Variants in DHX34 observed in about 807,000 individuals in gnomAD.
DHX34 encodes DExH-box helicase 34.
A neutral mutation model predicts 111.1 loss-of-function variants in DHX34; 96 were observed. The ratio of observed to expected loss-of-function variants is 0.86; its 90% CI spans 0.73 to 1.02. The LOEUF (loss-of-function observed/expected upper bound fraction) is 1.02, where lower values mean the gene tolerates loss of function less well. Among genes scored for constraint, DHX34 ranks in the 50% least tolerant of loss-of-function variants. The pLI is 0.00. For synonymous variants in DHX34, 688 were observed against 670.4 expected (o/e 1.03, Z -0.41); for missense variants, 1,560 against 1,579.9 (o/e 0.99, Z 0.21).
rs1390387972 is a variant in DHX34 at position 47,354,951 on chromosome 19, G to A, written c.706-88G>A. ...TTACAGGCGTGAGCCACCGCACCCG[G>A]CCTGCTTAGATTTTCAATTTGGGCA... On this transcript the variant is annotated intron_variant, in intron 2 of 16. Coordinates refer to ENST00000328771, the MANE Select transcript of DHX34 (RefSeq NM_014681.6). 3.9e-6 allele frequency: 6 copies of A among 1,554,910 alleles called. No individual in the cohort carries two copies. The Admixed American group carries it at 5.4e-5, about 14-fold the overall frequency.
rs1258806164 is a variant in DHX34 at position 47,381,335 on chromosome 19, G to A, written c.3298+11G>A. Reference sequence around the variant, plus strand: ...AGGATGGGCCCCCAGGTAAGCACAGGACTGTGGGGACCCGGCCACCTCTGC... The same window carrying A: ...AGGATGGGCCCCCAGGTAAGCACAGAACTGTGGGGACCCGGCCACCTCTGC... On this transcript the variant is annotated intron_variant, in intron 16 of 16. Transcript: ENST00000328771. 2 of 1,608,908 alleles carry A rather than the reference G, an allele frequency of 1.2e-6. No homozygotes were observed. The highest frequency in any genetic ancestry group is 2.7e-5 in the African/African-American group (2 of 74,796).
intron 4 of DHX34, 52 bp downstream of exon 4, chr19:47,358,172 G>A (rs769987611): frequency 1.9e-6 from 3 of 1,573,978 alleles, no homozygotes; most frequent in Admixed American, 1.7e-5. Flanking sequence ...TGAGTCAGGG[G>A]TGGCTGCGCA....
chr19:47,351,790 A>G (rs1411597489), intron 1 of DHX34, among the ~76,000 whole-genome samples: 3 of 152,118 alleles, frequency 2.0e-5, no homozygotes, highest in Admixed American at 6.5e-5. Flanking sequence ...GGAGTAGACT[A>G]CTAAGACTGG....
rs749066168 is a variant in DHX34 at position 47,353,747 on chromosome 19, G to A, written c.705+12G>A. ...AGTATGGCTCACAGGTGAGTGGGAC[G>A]CACCAGGTTTCCGATTTTTCCAGCG... On this transcript the variant is annotated intron_variant, in intron 2 of 16. Coordinates refer to ENST00000328771, the MANE Select transcript of DHX34 (RefSeq NM_014681.6). This position sits in a 1 kb window ranked among gnomAD's most constrained non-coding sequence, Gnocchi z 4.6. The A allele has an allele frequency of 5.2e-6, 8 of 1,541,276 alleles. No homozygotes were observed. The highest frequency in any genetic ancestry group is 3.9e-4 in the Middle Eastern group (2 of 5,078).
chr19:47,350,339 G>A (rs1225057019), intron 1 of DHX34, among the ~76,000 whole-genome samples: 1 of 152,124 alleles, frequency 6.6e-6, no homozygotes, highest in Non-Finnish European at 1.5e-5. Context: ...GGGAGGTCGA[G>A]GCTGCTGTAC....
chr19:47,378,589 G>A (rs1170480732), intron 13 of DHX34, among the ~76,000 whole-genome samples: 1 of 152,220 alleles, frequency 6.6e-6, no homozygotes, highest in African/African-American at 2.4e-5. Context: ...CAGCACCTTG[G>A]GAGGCTGAGG....
At chr19:47,368,708 A>G (rs1462408115) in intron 7 of DHX34, among the ~76,000 whole-genome samples, 4 of 146,730 alleles carry the variant, frequency 2.7e-5, no homozygotes, top group Non-Finnish European at 6.0e-5. Context: ...ACACACACAT[A>G]TATATATGTT....
chr19:47,375,920 C>G lies in DHX34; in HGVS notation c.2308-4C>G, dbSNP rs773212779. 1.1e-5 allele frequency: 18 copies of G among 1,600,936 alleles called. No individual in the cohort carries two copies. Among genetic ancestry groups the G allele is most frequent in the Non-Finnish European group, 1.4e-5 (16 of 1,176,904 alleles). ...AAGACTCTGCCTCCCCGTGCTCCCC[C>G]CAGGATGTGAAGTTCAAGCTTCGGC... On this transcript the variant is annotated splice_region_variant and splice_polypyrimidine_tract_variant and intron_variant, in intron 10 of 16. Coordinates refer to ENST00000328771, the MANE Select transcript of DHX34 (RefSeq NM_014681.6).
rs781336241 is a variant in DHX34, at chr19:47,360,019, A to G, written c.1324A>G (p.Ile442Val). The part of the protein sequence containing the change: ...GVRKCILSTN[I>V]AETSVTIDGI... Reference sequence around the variant, plus strand: ...CCGGAAATGCATCCTCTCCACCAACATTGCTGAGACCTCAGTCACCATTGA... The same window carrying G: ...CCGGAAATGCATCCTCTCCACCAACGTTGCTGAGACCTCAGTCACCATTGA... Residue 442 changes from isoleucine to valine, a missense_variant, in exon 5 of 17, where the codon ATT becomes GTT. Physicochemically the swap from Ile to Val is conservative, Grantham distance 29. Transcript: ENST00000328771. 1.2e-6 allele frequency: 2 copies of G among 1,613,964 alleles called. No homozygotes were observed. Among genetic ancestry groups the G allele is most frequent in the South Asian group, 2.2e-5 (2 of 91,080 alleles).
In DHX34 at chr19:47,369,592, C is replaced by G. The variant is rs187034914; in HGVS notation, c.1768+2437C>G. 1.4e-3 allele frequency among the ~76,000 whole-genome samples: 219 copies of G among 152,266 alleles called. 2 individuals carry two copies. The highest frequency in any genetic ancestry group is 2.8e-3 in the Non-Finnish European group (190 of 68,020). On this transcript the variant is annotated intron_variant, in intron 7 of 16. Transcript: ENST00000328771. Reference sequence around the variant, plus strand: ...AGGGGCAGATAAATGAGTGAAAACACGGAATGTCAGCCGCTGATTGCTGCT... The same window carrying G: ...AGGGGCAGATAAATGAGTGAAAACAGGGAATGTCAGCCGCTGATTGCTGCT...
Position 47,380,895 on chromosome 19 carries a change from C to CCCATCTT in DHX34, c.3065_3071dup (p.Gly1025SerfsTer23). On this transcript the variant is annotated frameshift_variant, in exon 15 of 17. Coordinates refer to ENST00000328771, the MANE Select transcript of DHX34 (RefSeq NM_014681.6). LOFTEE classifies it high-confidence loss of function. ...GGACCCCAGACCATCCCAGCCACCC[C>CCCATCTT]CCATCTTCCTGGCCTCTTTGGCAGC... 6.2e-7 allele frequency: 1 copy of CCCATCTT among 1,613,792 alleles called. No individual in the cohort carries two copies. The highest frequency in any genetic ancestry group is 8.5e-7 in the Non-Finnish European group (1 of 1,179,830).
chr19:47,367,880 A>G (rs1369360112), intron 7 of DHX34, among the ~76,000 whole-genome samples: 1 of 139,436 alleles, frequency 7.2e-6, no homozygotes, highest in Non-Finnish European at 1.5e-5. Flanking sequence ...TGGGCGACAG[A>G]GCGAGACTCC....
chr19:47,375,825 G>C, intron 10 of DHX34, 99 bp from the exon 11 acceptor site: 1 of 1,544,300 alleles, frequency 6.5e-7, no homozygotes, highest in Non-Finnish European at 8.7e-7. Context: ...TTCCATGGAC[G>C]GTGCTTGGTC....
intron 5 of DHX34, among the ~76,000 whole-genome samples, chr19:47,361,958 G>A (rs1027504454): frequency 5.9e-5 from 9 of 152,024 alleles, no homozygotes; most frequent in Non-Finnish European, 1.2e-4. Context: ...AACCTCTGAA[G>A]AAACAAAGAC....
rs117334188 is a variant in DHX34, at chr19:47,372,824, C to T, written c.1863C>T (p.Ser621=). 9.0e-3 allele frequency: 14,467 copies of T among 1,612,996 alleles called. 97 individuals are homozygous for T. The highest frequency in any genetic ancestry group is 0.011 in the Non-Finnish European group (12,516 of 1,179,798). The change falls in exon 8 of 17, where the codon AGC becomes AGT. Residue 621 remains serine (S), a synonymous_variant. Transcript: ENST00000328771. ...ALSVQSPFTR[S]AQSSPECAAA... ...GCGTCCAGTCGCCCTTCACCCGCAG[C>T]GCCCAGAGCAGCCCAGAGTGCGCGG...
At chr19:47,350,472 A>T (rs1210297166) in intron 1 of DHX34, among the ~76,000 whole-genome samples, 1 of 147,130 alleles carries the variant, frequency 6.8e-6, no homozygotes, top group East Asian at 2.0e-4. Context: ...CCCAGGCTGG[A>T]GTGCAGTGGT....
Position 47,382,091 on chromosome 19 carries a change from G to A in DHX34, c.3410G>A (p.Arg1137His), listed in dbSNP as rs577030942. The A allele has an allele frequency of 1.1e-5, 17 of 1,614,022 alleles. No homozygotes were observed. Among genetic ancestry groups the A allele is most frequent in the East Asian group, 4.5e-5 (2 of 44,878 alleles). Residue 1137 changes from arginine to histidine, a missense_variant, in exon 17 of 17, where the codon CGC (arginine) becomes CAC (histidine). Coordinates refer to ENST00000328771, the MANE Select transcript of DHX34 (RefSeq NM_014681.6). Reference protein sequence around the residue: ...DFLFTPTEVLRHRKQHV With the variant: ...DFLFTPTEVLHHRKQHV ...CTCTTTACACCCACAGAGGTGCTGC[G>A]CCACCGGAAGCAGCACGTGTGAGCT...
intron 6 of DHX34, among the ~76,000 whole-genome samples, chr19:47,363,443 G>T (rs1969696028): frequency 6.6e-6 from 1 of 152,090 alleles, no homozygotes; most frequent in South Asian, 2.1e-4. Flanking sequence ...GGTCAGGAAG[G>T]ATAGGGCTAG....
intron 7 of DHX34, among the ~76,000 whole-genome samples, chr19:47,368,383 C>T (rs1204921340): frequency 7.0e-6 from 1 of 142,200 alleles, no homozygotes. Flanking sequence ...CTCGGCTCAC[C>T]ACAACCTCCA....
Sources: allele counts gnomAD v4.1 joint callset (sites outside exome capture counted in the v4.1 genomes callset), GRCh38; gene constraint gnomAD v4.1.1; non-coding constraint Gnocchi (gnomAD v3.1); transcripts MANE v1.5; gene names NCBI Gene and HGNC (gene_info 2026-07-23, HGNC 2026-07-21).